The following GALNT10 variants were observed in gnomAD, a reference collection of about 807,000 sequenced individuals.
GALNT10 encodes polypeptide N-acetylgalactosaminyltransferase 10, also known as GalNAc transferase 10.
Under a neutral mutation model 75.0 loss-of-function variants are expected in GALNT10, and 41 were observed. The observed-to-expected ratio is 0.55, with a 90% CI of 0.43 to 0.71. The LOEUF (loss-of-function observed/expected upper bound fraction) is 0.71, where lower values mean the gene tolerates loss of function less well. GALNT10 is among the 30% of genes least tolerant of loss of function. The pLI is 0.00. For missense variants in GALNT10, 727 were observed against 818.5 expected, an observed-to-expected ratio of 0.89 and a Z score of 1.36; for synonymous variants, 302 against 313.0, an observed-to-expected ratio of 0.96 and a Z score of 0.37.
chr5:154,195,162 C>T (rs2113638230), intron 1 of GALNT10, among the ~76,000 whole-genome samples: 1 of 152,346 alleles, frequency 6.6e-6, no homozygotes, highest in African/African-American at 2.4e-5. Context: ...TGTCCACAGT[C>T]AGCTCTTACA....
At chr5:154,299,559 A>G (rs773970863) in intron 3 of GALNT10, among the ~76,000 whole-genome samples, 1 of 152,264 alleles carries the variant, frequency 6.6e-6, no homozygotes. Flanking sequence ...CTCAATCAGT[A>G]GAATGCAGTG....
At chr5:154,249,459 C>T (rs1561640665) in intron 1 of GALNT10, among the ~76,000 whole-genome samples, 2 of 152,076 alleles carry the variant, frequency 1.3e-5, no homozygotes, top group Non-Finnish European at 2.9e-5. Flanking sequence ...AAATGGGTGG[C>T]ACTTTGAAAT....
chr5:154,249,127 T>C (rs908822705), intron 1 of GALNT10, among the ~76,000 whole-genome samples: 2 of 152,256 alleles, frequency 1.3e-5, no homozygotes, highest in African/African-American at 2.4e-5. Context: ...TTTAAGTTCC[T>C]GGGCTTGCCC....
At position 154,420,561 on chromosome 5, in the gene GALNT10, G is replaced by A. The variant is rs1031809121; in HGVS notation, c.*3589G>A. The A allele has an allele frequency of 2.6e-5, 4 of 152,222 alleles. No homozygotes were observed. Among genetic ancestry groups the A allele is most frequent in the Non-Finnish European group, 4.4e-5 (3 of 68,044 alleles). The allele number at this position is 152,222 out of a possible 1,614,324, so 9.4% of individuals were successfully genotyped here. ...TGTAAGTGTGAGAGAGGGACAAGAAGTGCAGTTCTGTTCTGGAATTCCTTA... is the reference window on the plus strand; with the variant it reads ...TGTAAGTGTGAGAGAGGGACAAGAAATGCAGTTCTGTTCTGGAATTCCTTA... On this transcript the variant is annotated 3_prime_UTR_variant, in exon 12 of 12. Coordinates refer to ENST00000297107, the MANE Select transcript of GALNT10 (RefSeq NM_198321.4).
chr5:154,381,771 T>C (rs928959102), intron 6 of GALNT10, among the ~76,000 whole-genome samples: 1 of 152,232 alleles, frequency 6.6e-6, no homozygotes, highest in African/African-American at 2.4e-5. Flanking sequence ...GGATAGAATC[T>C]TCAGATCTCT....
At chr5:154,367,901 AAAG>A (rs1334966289) in intron 4 of GALNT10, among the ~76,000 whole-genome samples, 1 of 152,100 alleles carries the variant, frequency 6.6e-6, no homozygotes, top group African/African-American at 2.4e-5. Flanking sequence ...AAAAAAACAA[AAAG>A]AAGAACTTCA....
intron 7 of GALNT10, among the ~76,000 whole-genome samples, chr5:154,399,108 G>C (rs1247005813): frequency 6.6e-6 from 1 of 152,198 alleles, no homozygotes; most frequent in Non-Finnish European, 1.5e-5. Flanking sequence ...TCAATGACCT[G>C]CAGGAGGTCA....
intron 1 of GALNT10, among the ~76,000 whole-genome samples, chr5:154,215,216 C>T (rs985322035): frequency 6.6e-6 from 1 of 152,220 alleles, no homozygotes; most frequent in African/African-American, 2.4e-5. Flanking sequence ...GGCGCAGTGG[C>T]TCACGCCTGT....
intron 1 of GALNT10, among the ~76,000 whole-genome samples, chr5:154,206,163 C>A (rs1172247537): frequency 6.6e-6 from 1 of 152,200 alleles, no homozygotes; most frequent in Non-Finnish European, 1.5e-5. Context: ...AAAAGATCCT[C>A]TCTTTCTGTG....
At chr5:154,288,303 C>T (rs1374844333) in intron 1 of GALNT10, among the ~76,000 whole-genome samples, 1 of 152,120 alleles carries the variant, frequency 6.6e-6, no homozygotes, top group Non-Finnish European at 1.5e-5. Flanking sequence ...AACAAATCTT[C>T]CTTCTTGAGC....
intron 4 of GALNT10, among the ~76,000 whole-genome samples, chr5:154,349,966 G>A (rs998627891): frequency 3.3e-5 from 5 of 152,132 alleles, no homozygotes; most frequent in African/African-American, 1.2e-4. Context: ...AAATTAAAAC[G>A]TTAGTTCCTC....
intron 1 of GALNT10, among the ~76,000 whole-genome samples, chr5:154,192,774 C>T (rs1214254969): frequency 2.0e-5 from 3 of 152,166 alleles, no homozygotes; most frequent in African/African-American, 7.2e-5. Flanking sequence ...GCAAACTCTC[C>T]TTTAGAATAG....
At chr5:154,267,199 G>A (rs76415637) in intron 1 of GALNT10, among the ~76,000 whole-genome samples, 2,497 of 152,256 alleles carry the variant, frequency 0.016, 70 homozygotes, top group African/African-American at 0.055. Context: ...TGGTAAGTAC[G>A]ATTTGCAATA....
At chr5:154,415,986 A>G (rs1048307446) in intron 11 of GALNT10, 54 bp downstream of exon 11, 1 of 1,534,684 alleles carries the variant, frequency 6.5e-7, no homozygotes, top group African/African-American at 1.4e-5. Flanking sequence ...TTTTAAGGCA[A>G]TACAGTGCTT....
In GALNT10 at chr5:154,190,981, A is replaced by G; in HGVS notation, c.115A>G (p.Thr39Ala). The G allele has an allele frequency of 6.7e-7, 1 of 1,500,648 alleles. No individual in the cohort carries two copies. Among genetic ancestry groups the G allele is most frequent in the Non-Finnish European group, 8.9e-7 (1 of 1,125,476 alleles). The allele number at this position is 1,500,648 out of a possible 1,614,324, so 93.0% of individuals were successfully genotyped here. The part of the protein sequence containing the change: ...ALYRERQPDG[T>A]PGGSGAAVAP... ...GTACCGCGAGCGGCAGCCCGACGGC[A>G]CCCCTGGGGGATCGGGGGCGGCGGT... is the stretch of plus-strand genomic sequence containing the variant. The change falls in exon 1 of 12, where the codon ACC (threonine) becomes GCC (alanine). Residue 39 changes from threonine (T) to alanine (A), a missense_variant. Coordinates refer to ENST00000297107, the MANE Select transcript of GALNT10 (RefSeq NM_198321.4).
chr5:154,355,451 T>A (rs1755275069), intron 4 of GALNT10, among the ~76,000 whole-genome samples: 1 of 151,908 alleles, frequency 6.6e-6, no homozygotes, highest in Non-Finnish European at 1.5e-5. Flanking sequence ...CGTTATTTGC[T>A]CCCCCTCCCA....
At chr5:154,372,817 G>A (rs1581997310) in intron 4 of GALNT10, among the ~76,000 whole-genome samples, 1 of 152,132 alleles carries the variant, frequency 6.6e-6, no homozygotes, top group Non-Finnish European at 1.5e-5. Flanking sequence ...CTGAGAGGGG[G>A]TATGGGTGGG....
rs74704059 is a variant in GALNT10 at position 154,205,600 on chromosome 5, A to C, written c.159+14575A>C. Among the ~76,000 whole-genome samples the C allele has an allele frequency of 2.3e-3, 348 of 152,306 alleles. 3 individuals carry two copies. Among genetic ancestry groups the C allele is most frequent in the Middle Eastern group, 6.8e-3 (2 of 294 alleles). ...AAAGTCCTTACTCACGGCACCTCAG[A>C]ATATGACCTAATTTGGAAATAGGTT... On this transcript the variant is annotated intron_variant, in intron 1 of 11. Transcript: ENST00000297107.
chr5:154,273,263 C>A (rs1227756643), intron 1 of GALNT10, among the ~76,000 whole-genome samples: 2 of 152,192 alleles, frequency 1.3e-5, no homozygotes, highest in African/African-American at 4.8e-5. Flanking sequence ...AGTTTTATAG[C>A]TGCTGCTCCT....
Sources: allele counts gnomAD v4.1 joint callset (sites outside exome capture counted in the v4.1 genomes callset), GRCh38; gene constraint gnomAD v4.1.1; transcripts MANE v1.5; gene names NCBI Gene and HGNC (gene_info 2026-07-23, HGNC 2026-07-21).